The following NEDD9 variants were observed in gnomAD, a reference collection of about 807,000 sequenced individuals.
NEDD9 encodes neural precursor cell expressed, developmentally down-regulated 9, also known as enhancer of filamentation 1.
Under a neutral mutation model 76.6 loss-of-function variants are expected in NEDD9, and 26 were observed. The ratio of observed to expected loss-of-function variants is 0.34; its 90% CI spans 0.25 to 0.47. NEDD9 has a LOEUF of 0.47. NEDD9 is among the 20% of genes least tolerant of loss of function. NEDD9 has a pLI of 1.00. For synonymous variants in NEDD9, 392 were observed against 414.2 expected (o/e 0.95, Z 0.65); for missense variants, 937 against 1,058.5 (o/e 0.89, Z 1.59).
At chr6:11,279,663 A>ATGGCTCGCAGGATATCAAGGG (rs1760492755) in intron 3 of NEDD9, among the ~76,000 whole-genome samples, 1 of 152,094 alleles carries the variant, frequency 6.6e-6, no homozygotes, top group Non-Finnish European at 1.5e-5. Flanking sequence ...TGATGTGAGG[A>ATGGCTCGCAGGATATCAAGGG]TGGCTCGCAG....
At chr6:11,315,068 A>T (rs550879292) in intron 2 of NEDD9, among the ~76,000 whole-genome samples, 1 of 152,156 alleles carries the variant, frequency 6.6e-6, no homozygotes, top group Non-Finnish European at 1.5e-5. Flanking sequence ...CCTTAGGGTA[A>T]TTCTGGGCCC....
chr6:11,192,743 G>C (rs1019214080), intron 3 of NEDD9, among the ~76,000 whole-genome samples: 2 of 149,624 alleles, frequency 1.3e-5, no homozygotes, highest in Non-Finnish European at 3.0e-5. Flanking sequence ...GACCATCCTG[G>C]CCAACATGGT....
chr6:11,271,898 C>T (rs1760315198), intron 3 of NEDD9: 1 of 152,198 alleles, frequency 6.6e-6, no homozygotes, highest in Non-Finnish European at 1.5e-5. Flanking sequence ...TACAGAGCTG[C>T]ATTTGGGCCC....
intron 1 of NEDD9, among the ~76,000 whole-genome samples, chr6:11,224,269 C>T (rs570216923): frequency 3.3e-5 from 5 of 152,270 alleles, no homozygotes; most frequent in South Asian, 2.1e-4. Flanking sequence ...GAAATGAGAT[C>T]GATTCCAGTG....
At chr6:11,348,875 A>G (rs1762411058) in intron 1 of NEDD9, among the ~76,000 whole-genome samples, 1 of 152,242 alleles carries the variant, frequency 6.6e-6, no homozygotes, top group South Asian at 2.1e-4. Context: ...CAAAGATTTC[A>G]TGACAAAGAT....
chr6:11,201,012 A>G lies in NEDD9; in HGVS notation c.460-7320T>C, dbSNP rs144344656. On this transcript the variant is annotated intron_variant, in intron 2 of 6. Coordinates refer to ENST00000379446, the MANE Select transcript of NEDD9 (RefSeq NM_006403.4). ...GCTGGTTTGTTTAGAGGCTCTCACTAAGAAATAGGACACTTGCCCATCTCT... is the reference window on the plus strand; with the variant it reads ...GCTGGTTTGTTTAGAGGCTCTCACTGAGAAATAGGACACTTGCCCATCTCT... The G allele has an allele frequency of 6.2e-5, 100 of 1,614,236 alleles. No homozygotes were observed. The South Asian group carries it at 8.2e-4, about 13-fold the overall frequency.
chr6:11,286,927 A>G (rs1398472392), intron 3 of NEDD9, among the ~76,000 whole-genome samples: 7 of 152,136 alleles, frequency 4.6e-5, no homozygotes, highest in Non-Finnish European at 1.0e-4. Flanking sequence ...CAGTGCATAT[A>G]TATATGTCAA....
intron 2 of NEDD9, chr6:11,199,001 A>G (rs3798731): frequency 0.29 from 44,528 of 152,194 alleles, 7,228 homozygotes; most frequent in South Asian, 0.53. Flanking sequence ...CACTATTGGC[A>G]GGCAAGGAGG....
intron 2 of NEDD9, among the ~76,000 whole-genome samples, chr6:11,197,883 CAG>C (rs928858766): frequency 5.9e-5 from 9 of 152,166 alleles, no homozygotes; most frequent in Admixed American, 5.2e-4. Flanking sequence ...GTTTGGATAG[CAG>C]AGAGAGATAG....
intron 3 of NEDD9, among the ~76,000 whole-genome samples, chr6:11,301,728 A>T (rs1761051055): frequency 6.6e-6 from 1 of 152,206 alleles, no homozygotes; most frequent in Admixed American, 6.5e-5. Context: ...AAACCACACA[A>T]CTACATGGAA....
chr6:11,285,767 G>T (rs1272064031), intron 3 of NEDD9, among the ~76,000 whole-genome samples: 1 of 152,142 alleles, frequency 6.6e-6, no homozygotes, highest in African/African-American at 2.4e-5. Context: ...GAGAAACATA[G>T]TTCTTTCAAC....
At chr6:11,251,952 G>T (rs1424351207) in intron 3 of NEDD9, among the ~76,000 whole-genome samples, 2 of 152,070 alleles carry the variant, frequency 1.3e-5, no homozygotes, top group Admixed American at 6.5e-5. Context: ...GGGGGGGGAT[G>T]GTGAGTGATG....
Position 11,190,816 on chromosome 6 carries a change from G to T in NEDD9, c.1053C>A (p.Asn351Lys). 1 of 1,614,168 alleles carries T rather than the reference G, an allele frequency of 6.2e-7. No individual in the cohort carries two copies. Among genetic ancestry groups the T allele is most frequent in the Non-Finnish European group, 8.5e-7 (1 of 1,180,038 alleles). The change falls in exon 5 of 7, where the codon AAC becomes AAA. Residue 351 changes from asparagine to lysine, a missense_variant. Transcript: ENST00000379446. This position sits in a 1 kb window ranked among gnomAD's most constrained non-coding sequence, Gnocchi z 5.8. ...RDGVYDVPLH[N>K]PPDAKGSRDL... ...CCCGAGAGCCTTTAGCATCTGGCGG[G>T]TTATGCAGAGGGACATCATAAACAC...
chr6:11,315,054 T>A (rs1011420165), intron 2 of NEDD9, among the ~76,000 whole-genome samples: 2 of 152,222 alleles, frequency 1.3e-5, no homozygotes, highest in Non-Finnish European at 2.9e-5. Flanking sequence ...CCCTGATGGT[T>A]CTGCCTTAGG....
chr6:11,205,892 T>C (rs1306657747), intron 2 of NEDD9, among the ~76,000 whole-genome samples: 1 of 152,178 alleles, frequency 6.6e-6, no homozygotes, highest in Non-Finnish European at 1.5e-5. Flanking sequence ...CCTTCCAAAG[T>C]GCTGGAATTA....
intron 1 of NEDD9, among the ~76,000 whole-genome samples, chr6:11,380,498 C>A (rs1442304920): frequency 2.0e-5 from 3 of 152,222 alleles, no homozygotes; most frequent in Non-Finnish European, 4.4e-5. Flanking sequence ...TGGGCAATTA[C>A]AGTTGTCCCT....
chr6:11,269,038 A>G (rs1414262520), intron 3 of NEDD9, among the ~76,000 whole-genome samples: 3 of 152,244 alleles, frequency 2.0e-5, no homozygotes, highest in Non-Finnish European at 4.4e-5. Flanking sequence ...TTTAACAAAA[A>G]ACCCAAACGT....
At position 11,345,190 on chromosome 6, in the gene NEDD9, A is replaced by G. The variant is rs150282363; in HGVS notation, c.-213-10629T>C. Among the ~76,000 whole-genome samples, 323 of 152,328 alleles carry G rather than the reference A, an allele frequency of 2.1e-3. 4 individuals carry two copies. Among genetic ancestry groups the G allele is most frequent in the African/African-American group, 7.1e-3 (297 of 41,574 alleles). On this transcript the variant is annotated intron_variant, in intron 1 of 3. Coordinates refer to the NEDD9 transcript ENST00000397378. ...TCTTAGAGAAGAAGGAGGGAGAAGA[A>G]ATCCACCCAAGGGAATATCAAAGAT...
intron 3 of NEDD9, among the ~76,000 whole-genome samples, chr6:11,278,171 G>T (rs1032953867): frequency 7.9e-5 from 12 of 152,076 alleles, no homozygotes; most frequent in Non-Finnish European, 1.2e-4. Context: ...CTTCTCACTC[G>T]CCAGCCTCTG....
Sources: gnomAD v4.1 joint callset for allele counts (sites outside exome capture counted in the v4.1 genomes callset) on GRCh38, gnomAD v4.1.1 for gene constraint, Gnocchi (gnomAD v3.1) non-coding constraint, MANE v1.5 for transcripts, NCBI Gene and HGNC (gene_info 2026-07-23, HGNC 2026-07-21) for gene names.